Variants in KCND2 observed in about 807,000 individuals in gnomAD.
KCND2 encodes the protein potassium voltage-gated channel subfamily D member 2.
KCND2 carries 16 observed loss-of-function variants against 54.4 expected under a neutral mutation model. That is an observed-to-expected ratio of 0.29 (90% CI 0.20 to 0.45). KCND2 has a LOEUF of 0.45. Ranked by LOEUF, KCND2 falls within the 20% of genes least tolerant of loss-of-function variation. The pLI is 1.00. For synonymous variants in KCND2, 317 were observed against 310.7 expected, an observed-to-expected ratio of 1.02 and a Z score of -0.21; for missense variants, 486 against 824.2, an observed-to-expected ratio of 0.59 and a Z score of 5.02.
intron 1 of KCND2, among the ~76,000 whole-genome samples, chr7:120,284,773 G>T (rs932298360): frequency 6.6e-6 from 1 of 152,134 alleles, no homozygotes; most frequent in African/African-American, 2.4e-5. Flanking sequence ...ATCATTTGAA[G>T]TCCAGTGTTC....
chr7:120,401,087 A>G (rs766306077), intron 1 of KCND2, among the ~76,000 whole-genome samples: 16 of 152,108 alleles, frequency 1.1e-4, no homozygotes, highest in Non-Finnish European at 1.6e-4. Context: ...GGTAATATGG[A>G]CAGATTACAG....
chr7:120,469,223 A>G (rs1802420252), intron 1 of KCND2, among the ~76,000 whole-genome samples: 1 of 152,166 alleles, frequency 6.6e-6, no homozygotes, highest in South Asian at 2.1e-4. Flanking sequence ...GAAGCTCAGC[A>G]CTTCATCTTT....
At chr7:120,416,685 C>T (rs1237539599) in intron 1 of KCND2, among the ~76,000 whole-genome samples, 1 of 151,692 alleles carries the variant, frequency 6.6e-6, no homozygotes, top group Non-Finnish European at 1.5e-5. Context: ...AAAAGTACAA[C>T]CCTCATTTCA....
intron 1 of KCND2, among the ~76,000 whole-genome samples, chr7:120,335,459 A>G (rs1189431008): frequency 7.3e-6 from 1 of 137,560 alleles, no homozygotes; most frequent in African/African-American, 3.0e-5. Flanking sequence ...TTATTTATTT[A>G]CTTACTTACT....
chr7:120,588,035 C>T (rs1054015222), intron 1 of KCND2, among the ~76,000 whole-genome samples: 1 of 152,134 alleles, frequency 6.6e-6, no homozygotes, highest in Non-Finnish European at 1.5e-5. Context: ...AAGGAACTCT[C>T]TTCACCCAGT....
At chr7:120,445,482 C>A (rs73435818) in intron 1 of KCND2, among the ~76,000 whole-genome samples, 3 of 151,950 alleles carry the variant, frequency 2.0e-5, no homozygotes, top group Non-Finnish European at 4.4e-5. Flanking sequence ...TCATCTTAAG[C>A]GAGTTACATC....
intron 1 of KCND2, among the ~76,000 whole-genome samples, chr7:120,333,692 T>C (rs1800101606): frequency 6.6e-6 from 1 of 152,150 alleles, no homozygotes; most frequent in Non-Finnish European, 1.5e-5. Context: ...TTATTATTAT[T>C]ATACTATTAT....
intron 1 of KCND2, among the ~76,000 whole-genome samples, chr7:120,552,536 G>A (rs1272509308): frequency 1.3e-5 from 2 of 152,226 alleles, no homozygotes; most frequent in African/African-American, 4.8e-5. Flanking sequence ...TGCTAAGTTT[G>A]ATGAAAAATG....
intron 1 of KCND2, among the ~76,000 whole-genome samples, chr7:120,487,257 C>G (rs1427291951): frequency 6.6e-6 from 1 of 151,500 alleles, no homozygotes; most frequent in African/African-American, 2.4e-5. Context: ...AGAGGGATAC[C>G]CTTAATATTA....
intron 1 of KCND2, among the ~76,000 whole-genome samples, chr7:120,480,026 G>C (rs1045629531): frequency 6.7e-6 from 1 of 149,032 alleles, no homozygotes; most frequent in Non-Finnish European, 1.5e-5. Flanking sequence ...AACTAGAAAT[G>C]TATTTAACTG....
chr7:120,445,700 A>C (rs1268732181), intron 1 of KCND2, among the ~76,000 whole-genome samples: 1 of 152,154 alleles, frequency 6.6e-6, no homozygotes, highest in African/African-American at 2.4e-5. Context: ...ATAAACCAAC[A>C]GTTATCACAC....
At chr7:120,661,101 A>T (rs1791860179) in intron 1 of KCND2, among the ~76,000 whole-genome samples, 1 of 152,188 alleles carries the variant, frequency 6.6e-6, no homozygotes, top group Admixed American at 6.5e-5. Context: ...AATAGGGTTG[A>T]TATCTCAAGC....
At chr7:120,510,418 C>T (rs1803095858) in intron 1 of KCND2, among the ~76,000 whole-genome samples, 1 of 152,042 alleles carries the variant, frequency 6.6e-6, no homozygotes, top group Non-Finnish European at 1.5e-5. Context: ...TCGCACTTTG[C>T]CTCTCAGAAT....
At chr7:120,304,340 G>A (rs1417756346) in intron 1 of KCND2, among the ~76,000 whole-genome samples, 2 of 152,064 alleles carry the variant, frequency 1.3e-5, no homozygotes, top group Non-Finnish European at 2.9e-5. Context: ...AATGACCTTT[G>A]GAAAGATGGT....
At chr7:120,625,172 A>G (rs1359131743) in intron 1 of KCND2, among the ~76,000 whole-genome samples, 1 of 152,214 alleles carries the variant, frequency 6.6e-6, no homozygotes, top group African/African-American at 2.4e-5. Flanking sequence ...GATGTCTAAG[A>G]TTAAGTGATT....
chr7:120,583,238 G>A (rs73439892), intron 1 of KCND2, among the ~76,000 whole-genome samples: 2,117 of 152,012 alleles, frequency 0.014, 66 homozygotes, highest in African/African-American at 0.049. Context: ...TACAGAGCAG[G>A]ACCCACCGAC....
At chr7:120,557,088 A>G (rs1445235674) in intron 1 of KCND2, among the ~76,000 whole-genome samples, 4 of 152,174 alleles carry the variant, frequency 2.6e-5, no homozygotes, top group Admixed American at 1.3e-4. Context: ...ACTCTAATCA[A>G]TGAGAAATGC....
intron 1 of KCND2, among the ~76,000 whole-genome samples, chr7:120,720,896 G>A (rs149428732): frequency 3.0e-4 from 45 of 152,176 alleles, no homozygotes; most frequent in African/African-American, 1.1e-3. Context: ...TTAAAAGTAA[G>A]GTACTCTGCT....
chr7:120,716,661 G>A (rs1329527676), intron 1 of KCND2, among the ~76,000 whole-genome samples: 1 of 152,084 alleles, frequency 6.6e-6, no homozygotes, highest in African/African-American at 2.4e-5. Context: ...ATAGCCTCAA[G>A]TTTGGATTTC....
Sources: gnomAD v4.1 joint callset for allele counts (sites outside exome capture counted in the v4.1 genomes callset) on GRCh38, gnomAD v4.1.1 for gene constraint, MANE v1.5 for transcripts, NCBI Gene and HGNC (gene_info 2026-07-23, HGNC 2026-07-21) for gene names.